The following GIGYF2 variants were observed in gnomAD, a reference collection of about 807,000 sequenced individuals.
GIGYF2 encodes the protein GRB10 interacting GYF protein 2, also known as GRB10-interacting GYF protein 2.
A neutral mutation model predicts 208.1 loss-of-function variants in GIGYF2; 25 were observed. The observed-to-expected ratio is 0.12, with a 90% CI of 0.09 to 0.17. The LOEUF is 0.17. Among genes scored for constraint, GIGYF2 ranks in the 10% least tolerant of loss-of-function variants. GIGYF2 has a pLI of 1.00. For synonymous variants in GIGYF2, 534 were observed against 543.8 expected, an observed-to-expected ratio of 0.98 and a Z score of 0.25; for missense variants, 1,302 against 1,579.4, an observed-to-expected ratio of 0.82 and a Z score of 2.98.
chr2:232,717,197 A>G (rs981930365), intron 2 of GIGYF2, among the ~76,000 whole-genome samples: 1 of 152,154 alleles, frequency 6.6e-6, no homozygotes, highest in Non-Finnish European at 1.5e-5. Context: ...CTGTAATCCC[A>G]GTGCTTTGGG....
chr2:232,743,971 A>G (rs906949235), intron 3 of GIGYF2, among the ~76,000 whole-genome samples: 1 of 151,986 alleles, frequency 6.6e-6, no homozygotes, highest in Non-Finnish European at 1.5e-5. Context: ...TCAGCCTTCC[A>G]AATAGCTGGG....
intron 28 of GIGYF2, among the ~76,000 whole-genome samples, chr2:232,852,039 G>A (rs546299276): frequency 1.3e-5 from 2 of 152,288 alleles, no homozygotes; most frequent in South Asian, 4.1e-4. Flanking sequence ...GATAAGCAGT[G>A]GAACATGGCA....
At chr2:232,788,535 G>A in intron 9 of GIGYF2, 1 of 470,080 alleles carries the variant, frequency 2.1e-6, no homozygotes, top group Middle Eastern at 3.2e-4. Flanking sequence ...AGTGAAGAAT[G>A]GATAGGATCT....
chr2:232,750,543 T>TC (rs1233824620), intron 5 of GIGYF2, among the ~76,000 whole-genome samples: 1 of 152,218 alleles, frequency 6.6e-6, no homozygotes, highest in African/African-American at 2.4e-5. Context: ...TTGAAAGACT[T>TC]CCCTGAAGAT....
rs187296311 is a variant in GIGYF2, at chr2:232,702,578, A to G, written c.-109-846A>G. On this transcript the variant is annotated intron_variant, in intron 1 of 28. Coordinates refer to ENST00000373563, the MANE Select transcript of GIGYF2 (RefSeq NM_001103146.3). The stretch of plus-strand genomic sequence containing the variant: ...ATCATTTGATTTTAGCCAAGAAACT[A>G]TTTGAAGATACTATACTTCAATTCA... Among the ~76,000 whole-genome samples the G allele has an allele frequency of 7.9e-5, 12 of 152,300 alleles. No individual in the cohort carries two copies. In the South Asian group the frequency reaches 1.0e-3, roughly 13 times the overall value.
At chr2:232,785,617 A>C (rs1236522509) in intron 8 of GIGYF2, among the ~76,000 whole-genome samples, 1 of 152,256 alleles carries the variant, frequency 6.6e-6, no homozygotes, top group Non-Finnish European at 1.5e-5. Flanking sequence ...AGAGGATTCC[A>C]CAGAGATCAG....
chr2:232,697,360 TG>T lies in GIGYF2; in HGVS notation c.-138del, dbSNP rs1006607973. 6.6e-6 allele frequency: 1 copy of T among 152,410 alleles called. No homozygotes were observed. The highest frequency in any genetic ancestry group is 2.4e-5 in the African/African-American group (1 of 41,430). 9.4% of individuals were successfully genotyped at this position (152,410 alleles called of 1,614,324 possible). On this transcript the variant is annotated 5_prime_UTR_variant, in exon 1 of 29. Coordinates refer to ENST00000373563, the MANE Select transcript of GIGYF2 (RefSeq NM_001103146.3). Reference sequence around the variant, plus strand: ...TGTGTTGTTGAGGCTGAGGACTGACTGGGGTTCTGAGACTCCCTGTCCCGGA... The same window carrying T: ...TGTGTTGTTGAGGCTGAGGACTGACTGGGTTCTGAGACTCCCTGTCCCGGA...
At chr2:232,713,919 CT>C (rs1343422065) in intron 2 of GIGYF2, among the ~76,000 whole-genome samples, 1 of 151,592 alleles carries the variant, frequency 6.6e-6, no homozygotes, top group Non-Finnish European at 1.5e-5. Flanking sequence ...GTTATTCCCC[CT>C]GGTGCCCTTG....
At chr2:232,712,994 T>C (rs1036458634) in intron 2 of GIGYF2, among the ~76,000 whole-genome samples, 2 of 152,182 alleles carry the variant, frequency 1.3e-5, no homozygotes, top group African/African-American at 4.8e-5. Flanking sequence ...CTATAACTAC[T>C]AGCCAGTTGT....
intron 5 of GIGYF2, among the ~76,000 whole-genome samples, chr2:232,752,418 C>T (rs1470487856): frequency 6.6e-6 from 1 of 152,138 alleles, no homozygotes; most frequent in African/African-American, 2.4e-5. Flanking sequence ...CATACTCATT[C>T]TCCTTCTCCC....
Position 232,760,600 on chromosome 2 carries a change from A to T in GIGYF2, c.491+9A>T. ...CAGAGCTGGGAGGAAAGGTAACTGG[A>T]TCCACATATTGGCATAAAAATTTCT... On this transcript the variant is annotated intron_variant, in intron 7 of 28. Transcript: ENST00000373563. 1 of 1,552,480 alleles carries T rather than the reference A, an allele frequency of 6.4e-7. No individual in the cohort carries two copies. The highest frequency in any genetic ancestry group is 1.1e-5 in the South Asian group (1 of 89,826).
chr2:232,839,706 C>A lies in GIGYF2; in HGVS notation c.2767-143C>A, dbSNP rs77431414. ...AAGCTGAGAGGATAGTAAGTAAAAG[C>A]AATGAAGAAGGAAATTTGAATTGAA... On this transcript the variant is annotated intron_variant, in intron 22 of 28. Coordinates refer to ENST00000373563, the MANE Select transcript of GIGYF2 (RefSeq NM_001103146.3). 653 of 843,626 alleles carry A rather than the reference C, an allele frequency of 7.7e-4. 3 individuals are homozygous for A. In the East Asian group the frequency reaches 8.7e-3, roughly 11 times the overall value. 52.3% of individuals were successfully genotyped at this position (843,626 alleles called of 1,614,324 possible). A position where few individuals can be genotyped will look rare whatever the true frequency, so the allele number is the denominator to read the frequency against.
chr2:232,730,058 A>C (rs1697390235), intron 2 of GIGYF2: 1 of 967,370 alleles, frequency 1.0e-6, no homozygotes, highest in African/African-American at 1.6e-5. Context: ...AACACAAGTC[A>C]GCAGGCGGTG....
intron 21 of GIGYF2, among the ~76,000 whole-genome samples, chr2:232,831,599 AAATG>A (rs1374671998): frequency 6.6e-6 from 1 of 152,238 alleles, no homozygotes; most frequent in Non-Finnish European, 1.5e-5. Flanking sequence ...CTTTAATAAT[AAATG>A]AAATTGTTGC....
chr2:232,794,327 T>C (rs1248172981), intron 12 of GIGYF2, among the ~76,000 whole-genome samples: 4 of 152,220 alleles, frequency 2.6e-5, no homozygotes. Flanking sequence ...AAACAGGTAC[T>C]TACTGAGCAT....
At chr2:232,762,238 G>GTT (rs11301320) in intron 8 of GIGYF2, among the ~76,000 whole-genome samples, 3 of 129,138 alleles carry the variant, frequency 2.3e-5, no homozygotes, top group African/African-American at 2.8e-5. Flanking sequence ...TTTTTTTTTT[G>GTT]TTTTTTTTTT....
chr2:232,836,313 T>A (rs12988286), intron 22 of GIGYF2, among the ~76,000 whole-genome samples: 1,385 of 23,380 alleles, frequency 0.059, 257 homozygotes, highest in Non-Finnish European at 0.084. Context: ...TATATATATA[T>A]ATATATATAT....
In GIGYF2 at chr2:232,771,222, G is replaced by A. The variant is rs770352640; in HGVS notation, c.532+9786G>A. 2.4e-5 allele frequency: 39 copies of A among 1,611,694 alleles called. No homozygotes were observed. Among genetic ancestry groups the A allele is most frequent in the Non-Finnish European group, 6.8e-6 (8 of 1,178,074 alleles). On this transcript the variant is annotated intron_variant, in intron 8 of 28. Transcript: ENST00000373563. ...TCCAACGCCAGCGCATGTCCATTAGGATTCCCCAAGCATCTCGAAGATATG... is the reference window on the plus strand; with the variant it reads ...TCCAACGCCAGCGCATGTCCATTAGAATTCCCCAAGCATCTCGAAGATATG...
chr2:232,818,234 C>T (rs1458970520), intron 20 of GIGYF2, among the ~76,000 whole-genome samples: 1 of 152,166 alleles, frequency 6.6e-6, no homozygotes, highest in Non-Finnish European at 1.5e-5. Flanking sequence ...TTTATTCTTT[C>T]CCTTAATGAA....
Sources: gnomAD v4.1 joint callset for allele counts (sites outside exome capture counted in the v4.1 genomes callset) on GRCh38, gnomAD v4.1.1 for gene constraint, MANE v1.5 for transcripts, NCBI Gene and HGNC (gene_info 2026-07-23, HGNC 2026-07-21) for gene names.